Variants in OR1J2 observed in about 807,000 individuals in gnomAD.
OR1J2 encodes the protein olfactory receptor family 1 subfamily J member 2.
For missense variants in OR1J2, 304 were observed against 246.1 expected, an observed-to-expected ratio of 1.24 and a Z score of -1.57; for synonymous variants, 142 against 99.7, an observed-to-expected ratio of 1.42 and a Z score of -2.52.
chr9:122,526,553 A>G, the OR1J2 span: 5 of 1,612,504 alleles, frequency 3.1e-6, no homozygotes, highest in East Asian at 6.7e-5. Flanking sequence ...CATAGAACAC[A>G]CAAACAACGC....
chr9:122,497,295 T>A, the OR1J2 span, among the ~76,000 whole-genome samples: 1 of 152,194 alleles, frequency 6.6e-6, no homozygotes, highest in Non-Finnish European at 1.5e-5. Flanking sequence ...TGCTTCTCTG[T>A]CCATCAGAGT....
the OR1J2 span, among the ~76,000 whole-genome samples, chr9:122,495,665 A>C: frequency 1.3e-5 from 2 of 151,688 alleles, no homozygotes; most frequent in East Asian, 1.9e-4. Flanking sequence ...TAATAATCGA[A>C]CTCCTGAATT....
At chr9:122,459,102 C>T in the OR1J2 span, among the ~76,000 whole-genome samples, 7 of 152,106 alleles carry the variant, frequency 4.6e-5, no homozygotes, top group African/African-American at 7.2e-5. Flanking sequence ...ACACAATATC[C>T]TCCAGGCTCA....
chr9:122,470,271 G>A, the OR1J2 span, among the ~76,000 whole-genome samples: 1 of 152,180 alleles, frequency 6.6e-6, no homozygotes, highest in Non-Finnish European at 1.5e-5. Context: ...CTGTGTCCCA[G>A]CCACTCCCAC....
the OR1J2 span, among the ~76,000 whole-genome samples, chr9:122,451,700 A>G: frequency 3.3e-5 from 5 of 152,236 alleles, no homozygotes; most frequent in Non-Finnish European, 5.9e-5. Flanking sequence ...CCTGTAGCAG[A>G]AAGATTAGAC....
the OR1J2 span, chr9:122,526,961 G>T: frequency 2.0e-4 from 327 of 1,614,110 alleles, no homozygotes; most frequent in Non-Finnish European, 2.6e-4. Flanking sequence ...CAGCCAGGAA[G>T]AAGCTGTCTA....
the OR1J2 span, among the ~76,000 whole-genome samples, chr9:122,546,315 C>G: frequency 6.6e-6 from 1 of 152,114 alleles, no homozygotes; most frequent in African/African-American, 2.4e-5. Flanking sequence ...TATTGAGAGA[C>G]AGAGCTTAAT....
At chr9:122,500,943 A>G in the OR1J2 span, among the ~76,000 whole-genome samples, 1 of 152,248 alleles carries the variant, frequency 6.6e-6, no homozygotes, top group Non-Finnish European at 1.5e-5. Flanking sequence ...GGGAACTATT[A>G]TACATATTCA....
the OR1J2 span, chr9:122,519,455 A>AT: frequency 6.2e-7 from 1 of 1,613,868 alleles, no homozygotes; most frequent in African/African-American, 1.3e-5. Flanking sequence ...ATTTTTTCAT[A>AT]TTTTTCACTG....
At chr9:122,561,448 C>T in the OR1J2 span, among the ~76,000 whole-genome samples, 1 of 152,062 alleles carries the variant, frequency 6.6e-6, no homozygotes, top group Non-Finnish European at 1.5e-5. Flanking sequence ...AGCGTTTTTT[C>T]GTTGATTCTT....
At chr9:122,535,758 G>C in the OR1J2 span, among the ~76,000 whole-genome samples, 1 of 152,142 alleles carries the variant, frequency 6.6e-6, no homozygotes, top group Non-Finnish European at 1.5e-5. Context: ...ATGTGCGTCC[G>C]TGTGAAGAGA....
chr9:122,558,188 ATGTCCTAT>A, the OR1J2 span, among the ~76,000 whole-genome samples: 97,440 of 150,332 alleles, frequency 0.65, 32,075 homozygotes, highest in East Asian at 0.98. Flanking sequence ...TTCTTTAATA[ATGTCCTAT>A]TGTCCTATTT....
chr9:122,510,042 G>T (rs541596889), upstream of OR1J2, among the ~76,000 whole-genome samples: 2 of 152,098 alleles, frequency 1.3e-5, no homozygotes, highest in Non-Finnish European at 2.9e-5. Context: ...AATGCATGTG[G>T]GGCTTAATAC....
chr9:122,498,663 G>T, the OR1J2 span, among the ~76,000 whole-genome samples: 1 of 152,128 alleles, frequency 6.6e-6, no homozygotes, highest in South Asian at 2.1e-4. Context: ...CTCTGCTGGA[G>T]ATCTAGTGCA....
chr9:122,472,856 G>A, the OR1J2 span, among the ~76,000 whole-genome samples: 7 of 152,120 alleles, frequency 4.6e-5, no homozygotes, highest in Admixed American at 3.3e-4. Context: ...ATTGATTCTT[G>A]GATATATGTA....
chr9:122,576,481 C>T, the OR1J2 span, among the ~76,000 whole-genome samples: 115 of 152,062 alleles, frequency 7.6e-4, no homozygotes, highest in Admixed American at 1.6e-3. Flanking sequence ...ATGATCTGCC[C>T]GCCTTGGCCT....
At chr9:122,568,631 C>T in the OR1J2 span, 2 of 563,854 alleles carry the variant, frequency 3.5e-6, no homozygotes. Flanking sequence ...ACCTCATGGT[C>T]CTTGATGGGG....
chr9:122,539,151 G>T, the OR1J2 span, among the ~76,000 whole-genome samples: 2 of 151,902 alleles, frequency 1.3e-5, no homozygotes, highest in East Asian at 3.9e-4. Flanking sequence ...AAGTTTTAGG[G>T]TACATGTGCA....
chr9:122,555,341 C>A, the OR1J2 span, among the ~76,000 whole-genome samples: 1 of 152,188 alleles, frequency 6.6e-6, no homozygotes, highest in African/African-American at 2.4e-5. Context: ...CTCCTTCTGT[C>A]CCTTCTCTTT....
Sources: gnomAD v4.1 joint callset for allele counts (sites outside exome capture counted in the v4.1 genomes callset) on GRCh38, gnomAD v4.1.1 for gene constraint, MANE v1.5 for transcripts, NCBI Gene and HGNC (gene_info 2026-07-23, HGNC 2026-07-21) for gene names.